LRRC4C: variants seen among roughly 807,000 people sequenced by gnomAD.
LRRC4C encodes leucine-rich repeat-containing protein 4C.
In LRRC4C, 5 loss-of-function variants were observed where a neutral mutation model predicts 33.6. The observed-to-expected ratio is 0.15, with a 90% CI of 0.08 to 0.31. The LOEUF (loss-of-function observed/expected upper bound fraction) is 0.31. LRRC4C is among the 10% of genes least tolerant of loss of function. LRRC4C has a pLI of 1.00. For missense variants in LRRC4C, 560 were observed against 796.7 expected, an observed-to-expected ratio of 0.70 and a Z score of 3.58; for synonymous variants, 329 against 302.0, an observed-to-expected ratio of 1.09 and a Z score of -0.93.
chr11:40,753,274 G>A lies in LRRC4C; in HGVS notation c.-406-104996C>T, dbSNP rs115553012. On this transcript the variant is annotated intron_variant, in intron 2 of 6. Transcript: ENST00000528697. Reference sequence around the variant, plus strand: ...TTAGCAATAATATGCTGTATAATTCGAAGTATAAGAGAGGACTTGAACACA... The same window carrying A: ...TTAGCAATAATATGCTGTATAATTCAAAGTATAAGAGAGGACTTGAACACA... 1.1e-3 allele frequency among the ~76,000 whole-genome samples: 160 copies of A among 151,950 alleles called. 1 individual carries two copies. Among genetic ancestry groups the A allele is most frequent in the African/African-American group, 3.6e-3 (149 of 41,456 alleles).
chr11:40,856,497 G>A (rs182008346), intron 2 of LRRC4C, among the ~76,000 whole-genome samples: 177 of 152,066 alleles, frequency 1.2e-3, no homozygotes, highest in Non-Finnish European at 2.2e-3. Context: ...TCTGGAATTC[G>A]CATAGATTCC....
chr11:40,624,530 C>T (rs12226364), intron 3 of LRRC4C, among the ~76,000 whole-genome samples: 68,726 of 151,900 alleles, frequency 0.45, 16,723 homozygotes, highest in Middle Eastern at 0.59. Context: ...CAAATGGTTT[C>T]TCATTTGACA....
chr11:41,246,737 T>A (rs1230630871), intron 1 of LRRC4C, among the ~76,000 whole-genome samples: 1 of 152,190 alleles, frequency 6.6e-6, no homozygotes, highest in Non-Finnish European at 1.5e-5. Flanking sequence ...TTGTTTTTAA[T>A]CCCTTTCTTC....
intron 2 of LRRC4C, among the ~76,000 whole-genome samples, chr11:40,706,618 C>A (rs1946181235): frequency 6.6e-6 from 1 of 152,040 alleles, no homozygotes; most frequent in African/African-American, 2.4e-5. Context: ...TGTAGGCTTG[C>A]AGTATAGTTT....
At chr11:40,954,359 G>A (rs1016964495) in intron 1 of LRRC4C, among the ~76,000 whole-genome samples, 1 of 151,922 alleles carries the variant, frequency 6.6e-6, no homozygotes, top group African/African-American at 2.4e-5. Context: ...GTAAATAAAA[G>A]ACTTGGAAAT....
At chr11:41,081,534 C>T (rs990377186) in intron 1 of LRRC4C, among the ~76,000 whole-genome samples, 2 of 152,052 alleles carry the variant, frequency 1.3e-5, no homozygotes, top group African/African-American at 4.8e-5. Context: ...TCTCTTTCAG[C>T]AGGTCCCATA....
intron 2 of LRRC4C, among the ~76,000 whole-genome samples, chr11:40,865,931 G>A (rs1954342129): frequency 1.3e-5 from 2 of 149,828 alleles, no homozygotes; most frequent in South Asian, 2.1e-4. Flanking sequence ...ATATGAGTTT[G>A]AAAAAAAAAT....
Position 41,282,328 on chromosome 11 carries a change from T to C in LRRC4C, c.-496+177103A>G, listed in dbSNP as rs563621714. 3.3e-5 allele frequency among the ~76,000 whole-genome samples: 5 copies of C among 152,300 alleles called. No homozygotes were observed. In the South Asian group the frequency reaches 1.0e-3, roughly 32 times the overall value. ...GGTTATAAAGAGTGAAGGCAGGCGA[T>C]TGAGAGGATATCAACATTAAATTTA... On this transcript the variant is annotated intron_variant, in intron 1 of 6. Coordinates refer to ENST00000528697, the MANE Select transcript of LRRC4C (RefSeq NM_001258419.2).
chr11:41,188,049 A>G (rs1308014647), intron 1 of LRRC4C, among the ~76,000 whole-genome samples: 1 of 101,598 alleles, frequency 9.8e-6, no homozygotes, highest in Non-Finnish European at 2.8e-5. Context: ...GAGTGAACTC[A>G]AAGAGACTGT....
At chr11:41,213,271 C>T (rs978003060) in intron 1 of LRRC4C, among the ~76,000 whole-genome samples, 1 of 152,078 alleles carries the variant, frequency 6.6e-6, no homozygotes, top group African/African-American at 2.4e-5. Flanking sequence ...GTTAATTACT[C>T]CATGAAATGA....
chr11:41,181,088 G>C (rs191623138), intron 1 of LRRC4C, among the ~76,000 whole-genome samples: 14 of 152,236 alleles, frequency 9.2e-5, no homozygotes, highest in Admixed American at 9.2e-4. Flanking sequence ...AGAATGAACT[G>C]TTTTCTTATT....
chr11:41,294,398 G>A (rs919332168), intron 1 of LRRC4C, among the ~76,000 whole-genome samples: 1 of 152,148 alleles, frequency 6.6e-6, no homozygotes, highest in Non-Finnish European at 1.5e-5. Context: ...GGTCAATTTC[G>A]ATCCTCAGTT....
intron 4 of LRRC4C, among the ~76,000 whole-genome samples, chr11:40,257,429 A>T (rs977261482): frequency 6.6e-6 from 1 of 152,118 alleles, no homozygotes; most frequent in East Asian, 1.9e-4. Context: ...CCTAAAAAAC[A>T]TTTTGTCTTT....
At chr11:41,124,294 G>A (rs1056371382) in intron 1 of LRRC4C, among the ~76,000 whole-genome samples, 1 of 152,080 alleles carries the variant, frequency 6.6e-6, no homozygotes, top group African/African-American at 2.4e-5. Flanking sequence ...CACATGTCTC[G>A]TAAGTGGAAC....
At chr11:40,281,982 A>T (rs1168663367) in intron 4 of LRRC4C, among the ~76,000 whole-genome samples, 2 of 152,202 alleles carry the variant, frequency 1.3e-5, no homozygotes, top group Admixed American at 6.5e-5. Context: ...AGCTAAAGCA[A>T]ATGGATCCCT....
chr11:41,272,645 T>C lies in LRRC4C; in HGVS notation c.-496+186786A>G, dbSNP rs554194995. On this transcript the variant is annotated intron_variant, in intron 1 of 6. Transcript: ENST00000528697. ...AGCACGTATTAAAAAAACTGCTTAA[T>C]ACCGAAGCGATGTTTTAAAAGAATT... Among the ~76,000 whole-genome samples the C allele has an allele frequency of 2.0e-5, 3 of 152,256 alleles. No homozygotes were observed. In the South Asian group the frequency reaches 6.2e-4, roughly 32 times the overall value.
chr11:41,124,733 T>A (rs1259562481), intron 1 of LRRC4C, among the ~76,000 whole-genome samples: 5 of 152,194 alleles, frequency 3.3e-5, no homozygotes, highest in African/African-American at 1.2e-4. Context: ...TTTCTTTCAC[T>A]CAGCCTGACA....
intron 2 of LRRC4C, among the ~76,000 whole-genome samples, chr11:40,777,050 C>T (rs1266596483): frequency 2.6e-5 from 4 of 152,060 alleles, no homozygotes; most frequent in Non-Finnish European, 5.9e-5. Context: ...TATCTTCTAG[C>T]TATTGATTTC....
intron 2 of LRRC4C, among the ~76,000 whole-genome samples, chr11:40,827,777 T>G (rs1421152261): frequency 6.6e-6 from 1 of 151,802 alleles, no homozygotes; most frequent in Non-Finnish European, 1.5e-5. Context: ...TAATCATTAA[T>G]TCTCCCAGTT....
Sources: allele counts gnomAD v4.1 joint callset (sites outside exome capture counted in the v4.1 genomes callset), GRCh38; gene constraint gnomAD v4.1.1; transcripts MANE v1.5; gene names NCBI Gene and HGNC (gene_info 2026-07-23, HGNC 2026-07-21).